DLGAP2: variants seen among roughly 807,000 people sequenced by gnomAD.
The protein encoded by DLGAP2 is disks large-associated protein 2.
In DLGAP2, 26 loss-of-function variants were observed where a neutral mutation model predicts 100.3. That is an observed-to-expected ratio of 0.26 (90% confidence interval 0.19 to 0.36). The LOEUF (loss-of-function observed/expected upper bound fraction) is 0.36, where lower values mean the gene tolerates loss of function less well. Among genes scored for constraint, DLGAP2 ranks in the 10% least tolerant of loss-of-function variants. DLGAP2 has a pLI of 1.00. For missense variants in DLGAP2, 1,858 were observed against 1,453.2 expected (o/e 1.28, Z -4.53); for synonymous variants, 886 against 630.1 (o/e 1.41, Z -6.08).
chr8:1,347,486 G>A (rs1219699552), intron 3 of DLGAP2, among the ~76,000 whole-genome samples: 1 of 152,062 alleles, frequency 6.6e-6, no homozygotes, highest in Non-Finnish European at 1.5e-5. Context: ...TCTCATGGGG[G>A]CTGTGTGTAG....
chr8:1,242,391 A>G (rs1199096434), intron 2 of DLGAP2, among the ~76,000 whole-genome samples: 5 of 152,224 alleles, frequency 3.3e-5, no homozygotes, highest in Admixed American at 6.5e-5. Flanking sequence ...GCAAGGCCCC[A>G]CATCACCAGC....
chr8:848,877 G>GTTCCAGAATAGGAACGCGCGGTGCCTT (rs1269102252), intron 1 of DLGAP2, among the ~76,000 whole-genome samples: 3 of 131,020 alleles, frequency 2.3e-5, no homozygotes, highest in African/African-American at 7.7e-5. Context: ...CGCGGTGTCT[G>GTTCCAGAATAGGAACGCGCGGTGCCTT]TTCCAGCATA....
chr8:862,974 G>C (rs1035516978), intron 1 of DLGAP2, among the ~76,000 whole-genome samples: 2 of 152,226 alleles, frequency 1.3e-5, no homozygotes, highest in African/African-American at 4.8e-5. Context: ...ATCTGAGTCA[G>C]TTTGTGTCTC....
At chr8:1,331,073 G>T (rs1801147833) in intron 3 of DLGAP2, among the ~76,000 whole-genome samples, 1 of 152,208 alleles carries the variant, frequency 6.6e-6, no homozygotes. Flanking sequence ...AGGGAGGACG[G>T]GCTGCTCCTA....
chr8:1,513,141 A>G (rs893973972), intron 4 of DLGAP2, among the ~76,000 whole-genome samples: 1 of 151,196 alleles, frequency 6.6e-6, no homozygotes, highest in Non-Finnish European at 1.5e-5. Context: ...GCTCGGTGGG[A>G]TAAGCGTCTG....
chr8:1,058,294 C>G (rs374277509), intron 2 of DLGAP2, among the ~76,000 whole-genome samples: 33 of 152,284 alleles, frequency 2.2e-4, no homozygotes, highest in Non-Finnish European at 3.2e-4. Context: ...GATAATCACT[C>G]ACTTGGCACT....
At chr8:1,116,406 GC>G (rs1805118804) in intron 2 of DLGAP2, among the ~76,000 whole-genome samples, 1 of 152,194 alleles carries the variant, frequency 6.6e-6, no homozygotes. Context: ...ACAATTTGGT[GC>G]TAGATAACCT....
At position 1,701,762 on chromosome 8, in the gene DLGAP2, A is replaced by C; in HGVS notation, c.*356A>C. Reference sequence around the variant, plus strand: ...ACATTTTGTTATTTCTATTTTTATAAATTGTGTGATAATTAGAGGTAAGAA... The same window carrying C: ...ACATTTTGTTATTTCTATTTTTATACATTGTGTGATAATTAGAGGTAAGAA... On this transcript the variant is annotated 3_prime_UTR_variant, in exon 15 of 15. Transcript: ENST00000637795. The C allele has an allele frequency of 3.4e-6, 1 of 292,902 alleles. No individual in the cohort carries two copies. Among genetic ancestry groups the C allele is most frequent in the Non-Finnish European group, 6.3e-6 (1 of 159,232 alleles). The allele number at this position is 292,902 out of a possible 1,614,324, so 18.1% of individuals were successfully genotyped here. A position where few individuals can be genotyped will look rare whatever the true frequency, so the allele number is the denominator to read the frequency against.
intron 1 of DLGAP2, among the ~76,000 whole-genome samples, chr8:823,923 C>T (rs1203210244): frequency 6.6e-6 from 1 of 152,162 alleles, no homozygotes; most frequent in African/African-American, 2.4e-5. Context: ...CACAGCTATC[C>T]CTTATACGAT....
intron 14 of DLGAP2, among the ~76,000 whole-genome samples, chr8:1,698,533 G>A (rs1799469054): frequency 6.9e-6 from 1 of 145,606 alleles, no homozygotes; most frequent in Admixed American, 6.8e-5. Flanking sequence ...GTCCATGTAA[G>A]CCATGCATGG....
rs148547563 is a variant in DLGAP2, at chr8:1,418,587, C to T, written c.107-82779C>T. ...TCTGCATTCACACGACACTCCACTC[C>T]GACGCCAAATAAAAGGGAAAAAAGT... On this transcript the variant is annotated intron_variant, in intron 3 of 14. Coordinates refer to ENST00000637795, the MANE Select transcript of DLGAP2 (RefSeq NM_001346810.2). Among the ~76,000 whole-genome samples the T allele has an allele frequency of 1.1e-3, 161 of 152,280 alleles. No homozygotes were observed. In the East Asian group the frequency reaches 0.016, roughly 16 times the overall value.
intron 12 of DLGAP2, among the ~76,000 whole-genome samples, chr8:1,681,529 A>T (rs934801661): frequency 6.6e-6 from 1 of 152,082 alleles, no homozygotes; most frequent in South Asian, 2.1e-4. Flanking sequence ...GTGGTGGCAC[A>T]TGCCTGTAGT....
chr8:762,788 C>A (rs1437253350), intron 1 of DLGAP2, among the ~76,000 whole-genome samples: 2 of 152,058 alleles, frequency 1.3e-5, no homozygotes, highest in Non-Finnish European at 2.9e-5. Context: ...CAGTGATCCT[C>A]CCCGTCAGCC....
At chr8:1,105,262 A>G (rs1353589284) in intron 2 of DLGAP2, among the ~76,000 whole-genome samples, 1 of 152,242 alleles carries the variant, frequency 6.6e-6, no homozygotes, top group Admixed American at 6.5e-5. Context: ...GTGCCTGAAA[A>G]TGAAAAGTAT....
intron 2 of DLGAP2, among the ~76,000 whole-genome samples, chr8:915,443 A>T (rs1417011419): frequency 6.6e-6 from 1 of 152,034 alleles, no homozygotes; most frequent in East Asian, 1.9e-4. Context: ...GCTACTCGGG[A>T]GGCTGAGGCA....
At chr8:996,407 C>T (rs1024870750) in intron 2 of DLGAP2, among the ~76,000 whole-genome samples, 7 of 151,860 alleles carry the variant, frequency 4.6e-5, no homozygotes, top group African/African-American at 1.5e-4. Context: ...GTGTCCTCAG[C>T]GTGTGTGCTT....
At chr8:1,069,108 G>A (rs935841397) in intron 2 of DLGAP2, among the ~76,000 whole-genome samples, 19 of 152,328 alleles carry the variant, frequency 1.2e-4, no homozygotes, top group African/African-American at 4.1e-4. Context: ...TGCAGCTGAC[G>A]CGGCAGCAGC....
intron 3 of DLGAP2, among the ~76,000 whole-genome samples, chr8:1,467,249 G>A (rs889727531): frequency 2.0e-5 from 3 of 150,292 alleles, no homozygotes; most frequent in Non-Finnish European, 2.9e-5. Context: ...CCTTCACCAC[G>A]GTCCCTCCCC....
In DLGAP2 at chr8:810,763, T is replaced by G. The variant is rs78851832; in HGVS notation, c.18+72938T>G. 5.6e-3 allele frequency among the ~76,000 whole-genome samples: 859 copies of G among 152,364 alleles called. 8 individuals carry two copies. The highest frequency in any genetic ancestry group is 0.019 in the African/African-American group (806 of 41,592). Reference sequence around the variant, plus strand: ...ATGAATCAGTTCCTTCATCTTATCCTGTGGCTGTTTTCCCACTATGCCAAC... The same window carrying G: ...ATGAATCAGTTCCTTCATCTTATCCGGTGGCTGTTTTCCCACTATGCCAAC... On this transcript the variant is annotated intron_variant, in intron 1 of 14. Transcript: ENST00000637795.
Sources: gnomAD v4.1 joint callset for allele counts (sites outside exome capture counted in the v4.1 genomes callset) on GRCh38, gnomAD v4.1.1 for gene constraint, MANE v1.5 for transcripts, NCBI Gene and HGNC (gene_info 2026-07-23, HGNC 2026-07-21) for gene names.